Variants in TRAK2 observed in about 807,000 individuals in gnomAD.
The protein encoded by TRAK2 is trafficking kinesin-binding protein 2.
TRAK2 carries 81 observed loss-of-function variants against 104.6 expected under a neutral mutation model. The observed-to-expected ratio is 0.77, with a 90% CI of 0.65 to 0.93. The LOEUF is 0.93. Ranked by LOEUF, TRAK2 falls within the 40% of genes least tolerant of loss-of-function variation. The pLI, the probability that TRAK2 is intolerant of heterozygous loss-of-function variation, is 0.00. For synonymous variants in TRAK2, 406 were observed against 394.4 expected, an observed-to-expected ratio of 1.03 and a Z score of -0.35; for missense variants, 1,002 against 1,089.0, an observed-to-expected ratio of 0.92 and a Z score of 1.12.
At chr2:201,397,317 T>C (rs1201468626) in intron 7 of TRAK2, among the ~76,000 whole-genome samples, 185 bp downstream of exon 7, 1 of 152,194 alleles carries the variant, frequency 6.6e-6, no homozygotes, top group African/African-American at 2.4e-5. Context: ...ATATATTTCT[T>C]AAAAATACAT....
rs1465048170 is a variant in TRAK2, at chr2:201,386,312, C to T, written c.1869G>A (p.Gln623=). ...DEEEGITFQV[Q]QPLEVEEKLS... ...GTTTCTCTTCCACTTCAAGAGGTTGCTGAACCTGAAAAGTAATACCCTCCT... is the reference window on the plus strand; with the variant it reads ...GTTTCTCTTCCACTTCAAGAGGTTGTTGAACCTGAAAAGTAATACCCTCCT... Residue 623 remains glutamine (Q), a synonymous_variant, in exon 14 of 16, where the codon CAG becomes CAA. Coordinates refer to ENST00000332624, the MANE Select transcript of TRAK2 (RefSeq NM_015049.3). 1 of 1,614,024 alleles carries T rather than the reference C, an allele frequency of 6.2e-7. No individual in the cohort carries two copies. Among genetic ancestry groups the T allele is most frequent in the African/African-American group, 1.3e-5 (1 of 74,908 alleles).
At chr2:201,417,058 GTAAC>G (rs773958193) in intron 2 of TRAK2, among the ~76,000 whole-genome samples, 1 of 151,102 alleles carries the variant, frequency 6.6e-6, no homozygotes, top group African/African-American at 2.4e-5. Context: ...GGAGTTAAAT[GTAAC>G]TCCACATTAA....
rs368157831 is a variant in TRAK2, at chr2:201,393,040, C to A, written c.982G>T (p.Glu328Ter). ...AQRQLTMELH[E>*]LQDRNMECLG... ...CACTCCATATTCCTGTCTTGTAACT[C>A]GTGCAGCTAAAAGAAAGGATGGTAG... Residue 328 changes from glutamate (E) to a stop codon, truncating the protein, a stop_gained, in exon 10 of 16, where the codon GAG becomes TAG. Transcript: ENST00000332624. LOFTEE classifies it high-confidence loss of function. 1 of 1,609,098 alleles carries A rather than the reference C, an allele frequency of 6.2e-7. No individual in the cohort carries two copies. The highest frequency in any genetic ancestry group is 1.7e-5 in the Admixed American group (1 of 59,372).
At chr2:201,391,023 A>G (rs145491050) in intron 10 of TRAK2, among the ~76,000 whole-genome samples, 87 of 152,228 alleles carry the variant, frequency 5.7e-4, no homozygotes, top group Non-Finnish European at 1.1e-3. Flanking sequence ...TGAAATACAT[A>G]TATTTCCTAG....
chr2:201,433,731 C>T (rs1477260019), intron 1 of TRAK2, among the ~76,000 whole-genome samples: 1 of 152,180 alleles, frequency 6.6e-6, no homozygotes, highest in South Asian at 2.1e-4. Context: ...AGGCCTTGAA[C>T]CCATGGTGTC....
intron 7 of TRAK2, among the ~76,000 whole-genome samples, chr2:201,396,035 C>T (rs887585418): frequency 2.0e-5 from 3 of 152,152 alleles, no homozygotes; most frequent in African/African-American, 7.2e-5. Flanking sequence ...GCCTGGCCTT[C>T]TTACATGCAC....
In TRAK2 at chr2:201,387,795, CAG is replaced by C. The variant is rs760575451; in HGVS notation, c.1602_1603del (p.Cys535HisfsTer30). On this transcript the variant is annotated frameshift_variant, in exon 13 of 16. Coordinates refer to ENST00000332624, the MANE Select transcript of TRAK2 (RefSeq NM_015049.3). LOFTEE classifies it high-confidence loss of function. ...GTCTGTGATCTCTGACTGGGTGGTG[CAG>C]AGAGAGGCAAGGCTCTCTGTCGGGG... 1 of 1,614,132 alleles carries C rather than the reference CAG, an allele frequency of 6.2e-7. No individual in the cohort carries two copies. The highest frequency in any genetic ancestry group is 1.7e-5 in the Admixed American group (1 of 60,030).
At position 201,389,440 on chromosome 2, in the gene TRAK2, G is replaced by C. The variant is rs778884347; in HGVS notation, c.1257C>G (p.Ile419Met). 1.9e-5 allele frequency: 31 copies of C among 1,614,142 alleles called. No homozygotes were observed. Among genetic ancestry groups the C allele is most frequent in the Middle Eastern group, 1.7e-4 (1 of 6,060 alleles). ...RIANDTRGRS[I>M]SFPALLPIPG... ...GAATGGGTAACAGAGCTGGGAATGA[G>C]ATAGAGCGGCCCCGTGTGTCATTGG... Residue 419 changes from isoleucine to methionine, a missense_variant, in exon 12 of 16, where the codon ATC becomes ATG. By Grantham distance (10) the Ile-to-Met change is conservative. Coordinates refer to ENST00000332624, the MANE Select transcript of TRAK2 (RefSeq NM_015049.3).
chr2:201,389,772 G>C, intron 11 of TRAK2, 29 bp downstream of exon 11: 1 of 1,544,984 alleles, frequency 6.5e-7, no homozygotes, highest in South Asian at 1.2e-5. Context: ...TCCAATGATT[G>C]AGTAACAACA....
chr2:201,414,895 C>T (rs2540337), intron 2 of TRAK2, among the ~76,000 whole-genome samples: 145,993 of 150,536 alleles, frequency 0.97, 70,958 homozygotes, highest in East Asian at 1. Context: ...TAGTCCCTAG[C>T]ATCTCTTCTA....
At chr2:201,416,130 G>A (rs1951689810) in intron 2 of TRAK2, among the ~76,000 whole-genome samples, 1 of 147,652 alleles carries the variant, frequency 6.8e-6, no homozygotes, top group South Asian at 2.2e-4. Context: ...GCTCACTCCT[G>A]TAATCCCAGC....
intron 10 of TRAK2, 138 bp from the exon 11 acceptor site, chr2:201,390,018 T>A: frequency 1.7e-6 from 1 of 593,050 alleles, no homozygotes; most frequent in East Asian, 3.0e-5. Flanking sequence ...AAAGACATTC[T>A]GGAAATATAA....
At chr2:201,406,992 A>C (rs1277164102) in intron 3 of TRAK2, among the ~76,000 whole-genome samples, 2 of 152,234 alleles carry the variant, frequency 1.3e-5, no homozygotes, top group Non-Finnish European at 2.9e-5. Flanking sequence ...TGCTGACATA[A>C]TTCTTGTGAC....
intron 1 of TRAK2, among the ~76,000 whole-genome samples, chr2:201,435,143 G>A (rs750709875): frequency 9.2e-5 from 14 of 152,000 alleles, no homozygotes; most frequent in Non-Finnish European, 5.9e-5. Context: ...TGCAACCTTC[G>A]CCTCCTGGGC....
At chr2:201,434,613 C>T (rs1177284711) in intron 1 of TRAK2, among the ~76,000 whole-genome samples, 1 of 152,016 alleles carries the variant, frequency 6.6e-6, no homozygotes, top group Non-Finnish European at 1.5e-5. Context: ...TAGATTTATA[C>T]CCTAAAATCA....
At chr2:201,397,290 A>G (rs545573733) in intron 7 of TRAK2, among the ~76,000 whole-genome samples, 1 of 152,312 alleles carries the variant, frequency 6.6e-6, no homozygotes, top group East Asian at 1.9e-4. Flanking sequence ...TGTAATGATA[A>G]TTGCAATTTG....
chr2:201,411,920 C>G, intron 2 of TRAK2: 1 of 1,043,768 alleles, frequency 9.6e-7, no homozygotes, highest in Non-Finnish European at 1.5e-6. Flanking sequence ...GATGTTTAGA[C>G]AGAGCTCCTG....
chr2:201,390,282 C>G (rs1286269588), intron 10 of TRAK2, among the ~76,000 whole-genome samples: 3 of 151,332 alleles, frequency 2.0e-5, no homozygotes, highest in African/African-American at 7.3e-5. Context: ...CGGTGGCTCA[C>G]ACCTGTAATC....
chr2:201,448,862 C>A (rs1016000416), intron 1 of TRAK2, among the ~76,000 whole-genome samples: 1 of 152,102 alleles, frequency 6.6e-6, no homozygotes, highest in African/African-American at 2.4e-5. Flanking sequence ...ACAACCACAC[C>A]CAGCTATTTT....
Sources: allele counts gnomAD v4.1 joint callset (sites outside exome capture counted in the v4.1 genomes callset), GRCh38; gene constraint gnomAD v4.1.1; transcripts MANE v1.5; gene names NCBI Gene and HGNC (gene_info 2026-07-23, HGNC 2026-07-21).